KLC1: variants seen among roughly 807,000 people sequenced by gnomAD.
KLC1 encodes the protein kinesin light chain 1.
A neutral mutation model predicts 84.2 loss-of-function variants in KLC1; 30 were observed. The observed-to-expected ratio is 0.36, with a 90% confidence interval of 0.27 to 0.48. The LOEUF (loss-of-function observed/expected upper bound fraction) is 0.48. Ranked by LOEUF, KLC1 falls within the 20% of genes least tolerant of loss-of-function variation. KLC1 has a pLI of 0.99. For synonymous variants in KLC1, 289 were observed against 293.3 expected (o/e 0.99, Z 0.15); for missense variants, 499 against 805.4 (o/e 0.62, Z 4.60).
chr14:103,690,562 C>T (rs951954997), intron 14 of KLC1, among the ~76,000 whole-genome samples: 9 of 152,352 alleles, frequency 5.9e-5, no homozygotes, highest in African/African-American at 2.2e-4. Context: ...TCCCTGTCAC[C>T]CCTCAAGCCT....
rs558521249 is a variant in KLC1 at position 103,664,297 on chromosome 14, A to G, written c.797+1370A>G. 1.8e-4 allele frequency among the ~76,000 whole-genome samples: 28 copies of G among 152,170 alleles called. 1 individual carries two copies. Among genetic ancestry groups the G allele is most frequent in the Admixed American group, 1.3e-3 (20 of 15,280 alleles). On this transcript the variant is annotated intron_variant, in intron 5 of 16. Transcript: ENST00000334553. Reference sequence around the variant, plus strand: ...CTCCTGAGTAGCTGGGATTACAGGCATGCGCCACCATGCCTGGCTAACTTC... The same window carrying G: ...CTCCTGAGTAGCTGGGATTACAGGCGTGCGCCACCATGCCTGGCTAACTTC...
chr14:103,652,347 T>C (rs554053303), intron 1 of KLC1, among the ~76,000 whole-genome samples: 8 of 152,292 alleles, frequency 5.3e-5, no homozygotes, highest in African/African-American at 1.7e-4. Context: ...TGGAACAGTA[T>C]GGATGAGGTC....
chr14:103,681,879 G>T (rs1349262401), intron 13 of KLC1, among the ~76,000 whole-genome samples: 1 of 152,184 alleles, frequency 6.6e-6, no homozygotes, highest in African/African-American at 2.4e-5. Context: ...TATTAACACG[G>T]TTCAGGTCAG....
rs79097224 is a variant in KLC1 at position 103,700,533 on chromosome 14, C to T, written c.1849-122C>T. ...GGCCAGATGGAGGCTGCTAAGGGGC[C>T]CCTAGGCTGTCCCTCAAGTCCAAGG... On this transcript the variant is annotated intron_variant, in intron 15 of 16. Coordinates refer to ENST00000334553, the MANE Select transcript of KLC1 (RefSeq NM_001394837.1). 265 of 762,124 alleles carry T rather than the reference C, an allele frequency of 3.5e-4. No homozygotes were observed. In the East Asian group the frequency reaches 7.1e-3, roughly 20 times the overall value. The allele number at this position is 762,124 out of a possible 1,614,324, so 47.2% of individuals were successfully genotyped here. A position where few individuals can be genotyped will look rare whatever the true frequency, so the allele number is the denominator to read the frequency against.
chr14:103,640,258 C>T (rs1260989863), intron 1 of KLC1, among the ~76,000 whole-genome samples: 1 of 152,070 alleles, frequency 6.6e-6, no homozygotes, highest in African/African-American at 2.4e-5. Context: ...CAGGGTTTCA[C>T]CATGTTGACC....
In KLC1 at chr14:103,677,530, C is replaced by G; in HGVS notation, c.1488+7C>G. The G allele has an allele frequency of 6.3e-7, 1 of 1,576,072 alleles. No homozygotes were observed. Among genetic ancestry groups the G allele is most frequent in the Non-Finnish European group, 8.7e-7 (1 of 1,145,680 alleles). ...TATGAGGTCTCGTAAACAGGTTAGT[C>G]ATACTTCTGTCCTTAACCGGCCCAT... On this transcript the variant is annotated splice_region_variant and intron_variant, in intron 12 of 16. Coordinates refer to ENST00000334553, the MANE Select transcript of KLC1 (RefSeq NM_001394837.1).
At chr14:103,675,899 A>C (rs2080833843) in intron 11 of KLC1, 143 bp downstream of exon 11, 1 of 643,144 alleles carries the variant, frequency 1.6e-6, no homozygotes, top group African/African-American at 1.8e-5. Flanking sequence ...CAATTAAAAA[A>C]ACCCCACTAA....
At chr14:103,641,582 T>C (rs910877423) in intron 1 of KLC1, among the ~76,000 whole-genome samples, 4 of 152,024 alleles carry the variant, frequency 2.6e-5, no homozygotes, top group African/African-American at 9.7e-5. Flanking sequence ...AGAGTTCCCT[T>C]TTTAAAAAAA....
chr14:103,690,052 T>TG (rs1313409396), intron 14 of KLC1, among the ~76,000 whole-genome samples: 1 of 151,968 alleles, frequency 6.6e-6, no homozygotes, highest in East Asian at 1.9e-4. Context: ...AGGTGGTGCA[T>TG]GCCTGTGGTC....
intron 13 of KLC1, among the ~76,000 whole-genome samples, chr14:103,684,369 G>A (rs761180751): frequency 1.3e-5 from 2 of 152,182 alleles, no homozygotes; most frequent in Non-Finnish European, 2.9e-5. Flanking sequence ...ATATAAAGAG[G>A]TAGACAGTTT....
chr14:103,699,405 G>C, intron 15 of KLC1: 1 of 1,612,186 alleles, frequency 6.2e-7, no homozygotes, highest in Non-Finnish European at 8.5e-7. Context: ...GCACTGCTCA[G>C]CTCACGCAGC....
rs371414523 is a variant in KLC1, at chr14:103,662,105, C to G, written c.493-11C>G. The stretch of plus-strand genomic sequence containing the variant: ...TGTAAGATGAAGTGTTGTCCTGGGT[C>G]TGTTTTATAGGAGGACAAAGACACT... On this transcript the variant is annotated splice_polypyrimidine_tract_variant and intron_variant, in intron 3 of 16. Coordinates refer to ENST00000334553, the MANE Select transcript of KLC1 (RefSeq NM_001394837.1). 3.7e-4 allele frequency: 595 copies of G among 1,605,914 alleles called. 1 individual carries two copies. The highest frequency in any genetic ancestry group is 4.8e-4 in the Non-Finnish European group (559 of 1,172,698).
At chr14:103,641,673 T>C (rs1237828748) in intron 1 of KLC1, among the ~76,000 whole-genome samples, 1 of 152,118 alleles carries the variant, frequency 6.6e-6, no homozygotes, top group Non-Finnish European at 1.5e-5. Flanking sequence ...CTTGGCTCAC[T>C]GCAGCCTCCG....
intron 1 of KLC1, among the ~76,000 whole-genome samples, chr14:103,645,960 G>A (rs1355027627): frequency 1.3e-5 from 2 of 151,876 alleles, no homozygotes; most frequent in African/African-American, 4.8e-5. Context: ...GGGTTTCATC[G>A]TGTTAGCCAG....
Position 103,694,070 on chromosome 14 carries a change from T to A in KLC1, c.1848+1645T>A. ...ATAGGCATTTAGTGATCTATGGCAG[T>A]AAAGCCTGAAGCTTAGCGGACACTG... On this transcript the variant is annotated intron_variant, in intron 15 of 16. Transcript: ENST00000334553. The surrounding 1 kb of genome is among the most constrained non-coding windows in gnomAD (Gnocchi z 4.5). 1.0e-6 allele frequency: 1 copy of A among 987,970 alleles called. No individual in the cohort carries two copies. The highest frequency in any genetic ancestry group is 1.2e-6 in the Non-Finnish European group (1 of 830,588). The allele number at this position is 987,970 out of a possible 1,614,324, so 61.2% of individuals were successfully genotyped here.
intron 15 of KLC1, chr14:103,699,327 T>C: frequency 6.4e-7 from 1 of 1,564,940 alleles, no homozygotes; most frequent in South Asian, 1.2e-5. Context: ...TGGCTAAAAA[T>C]ACGAGCTCAG....
chr14:103,701,203 A>C lies in KLC1; in HGVS notation c.*4A>C. ...TGACCTTCTATCTTCTCTTGCAGTG[A>C]CCCCGACCTGGCCCCGCTCCAGGAT... is the stretch of plus-strand genomic sequence containing the variant. On this transcript the variant is annotated splice_region_variant and 3_prime_UTR_variant, in exon 17 of 17. Transcript: ENST00000334553. 1 of 1,550,274 alleles carries C rather than the reference A, an allele frequency of 6.5e-7. No homozygotes were observed. The highest frequency in any genetic ancestry group is 8.7e-7 in the Non-Finnish European group (1 of 1,146,138).
chr14:103,693,503 C>A lies in KLC1; in HGVS notation c.1848+1078C>A. 1 of 1,535,274 alleles carries A rather than the reference C, an allele frequency of 6.5e-7. No homozygotes were observed. Among genetic ancestry groups the A allele is most frequent in the South Asian group, 1.2e-5 (1 of 83,862 alleles). ...GCCTGAGGCCATTTGAAGCTGGCATCATTTGAAGTCCTGGTTAAGTGTAAT... is the reference window on the plus strand; with the variant it reads ...GCCTGAGGCCATTTGAAGCTGGCATAATTTGAAGTCCTGGTTAAGTGTAAT... On this transcript the variant is annotated intron_variant, in intron 15 of 16. Coordinates refer to ENST00000334553, the MANE Select transcript of KLC1 (RefSeq NM_001394837.1). This position sits in a 1 kb window ranked among gnomAD's most constrained non-coding sequence, Gnocchi z 5.1.
At chr14:103,636,462 A>AC (rs1392201969) in intron 1 of KLC1, among the ~76,000 whole-genome samples, 52 of 151,674 alleles carry the variant, frequency 3.4e-4, no homozygotes, top group Admixed American at 2.6e-3. Flanking sequence ...TCAGGTGATC[A>AC]CCCCCCATCG....
Sources: allele counts gnomAD v4.1 joint callset (sites outside exome capture counted in the v4.1 genomes callset), GRCh38; gene constraint gnomAD v4.1.1; non-coding constraint Gnocchi (gnomAD v3.1); transcripts MANE v1.5; gene names NCBI Gene and HGNC (gene_info 2026-07-23, HGNC 2026-07-21).